CNTN4: variants seen among roughly 807,000 people sequenced by gnomAD.
CNTN4 encodes contactin 4.
Under a neutral mutation model 122.5 loss-of-function variants are expected in CNTN4, and 77 were observed. The observed-to-expected ratio is 0.63, with a 90% CI of 0.52 to 0.76. The LOEUF is 0.76. Among genes scored for constraint, CNTN4 ranks in the 30% least tolerant of loss-of-function variants. CNTN4 has a pLI of 0.00. For missense variants in CNTN4, 1,256 were observed against 1,259.1 expected (o/e 1.00, Z 0.04); for synonymous variants, 512 against 447.0 (o/e 1.15, Z -1.83).
intron 2 of CNTN4, among the ~76,000 whole-genome samples, chr3:2,191,513 T>C (rs1301853012): frequency 6.6e-6 from 1 of 152,066 alleles, no homozygotes; most frequent in Non-Finnish European, 1.5e-5. Context: ...CTCCCTTCTG[T>C]ACTCATGTGG....
chr3:2,517,990 C>G (rs2077086788), intron 3 of CNTN4, among the ~76,000 whole-genome samples: 1 of 152,144 alleles, frequency 6.6e-6, no homozygotes, highest in Admixed American at 6.6e-5. Context: ...TAGACTGACA[C>G]AATCCTTCCC....
chr3:2,260,515 G>A (rs1433060973), intron 2 of CNTN4, among the ~76,000 whole-genome samples: 1 of 152,084 alleles, frequency 6.6e-6, no homozygotes, highest in African/African-American at 2.4e-5. Flanking sequence ...GATGAGGTAA[G>A]CAGCAGAAGG....
At chr3:2,508,487 T>A (rs1021600395) in intron 3 of CNTN4, among the ~76,000 whole-genome samples, 1 of 152,206 alleles carries the variant, frequency 6.6e-6, no homozygotes, top group Admixed American at 6.5e-5. Context: ...TTCCCATAAC[T>A]TTCATTCTGC....
chr3:2,928,526 C>A (rs898522645), intron 13 of CNTN4, among the ~76,000 whole-genome samples: 1 of 152,176 alleles, frequency 6.6e-6, no homozygotes, highest in Admixed American at 6.5e-5. Context: ...TTTGACTACA[C>A]AGCTTTGAGT....
chr3:2,694,500 T>C (rs1229933982), intron 4 of CNTN4, among the ~76,000 whole-genome samples: 2 of 152,260 alleles, frequency 1.3e-5, no homozygotes, highest in Admixed American at 6.5e-5. Context: ...TTCAGGACTT[T>C]AGGTGGATCA....
chr3:2,879,334 C>T (rs2093880967), intron 8 of CNTN4, among the ~76,000 whole-genome samples: 1 of 152,054 alleles, frequency 6.6e-6, no homozygotes, highest in Admixed American at 6.6e-5. Context: ...GGTGCATGGC[C>T]CTGTCAACAC....
intron 2 of CNTN4, among the ~76,000 whole-genome samples, chr3:2,299,412 C>T (rs2042424207): frequency 6.6e-6 from 1 of 151,780 alleles, no homozygotes; most frequent in Admixed American, 6.6e-5. Flanking sequence ...TGTAGTGGAC[C>T]CGTCACCCGA....
At position 2,586,717 on chromosome 3, in the gene CNTN4, A is replaced by G. The variant is rs74451409; in HGVS notation, c.55+15159A>G. The stretch of plus-strand genomic sequence containing the variant: ...TCAGTTACTGATTTGCTACATGACT[A>G]TGGAGACAACCAGATTAAACTGTGT... On this transcript the variant is annotated intron_variant, in intron 4 of 24. Transcript: ENST00000418658. 8.7e-4 allele frequency among the ~76,000 whole-genome samples: 132 copies of G among 152,348 alleles called. 2 individuals are homozygous for G. In the East Asian group the frequency reaches 0.01, roughly 12 times the overall value.
chr3:2,467,883 A>T (rs2075558412), intron 3 of CNTN4, among the ~76,000 whole-genome samples: 1 of 152,176 alleles, frequency 6.6e-6, no homozygotes. Context: ...TGCAGCATTC[A>T]CACATCACCT....
In CNTN4 at chr3:2,435,653, G is replaced by T. The variant is rs1685938296; in HGVS notation, c.-89+96420G>T. On this transcript the variant is annotated intron_variant, in intron 3 of 24. Transcript: ENST00000418658. The stretch of plus-strand genomic sequence containing the variant: ...CTTAGTTCTCCCAAAAAATGCTAAT[G>T]CTGTTCTGTTAGTATTTTAGGTGCA... Among the ~76,000 whole-genome samples, 2 of 152,082 alleles carry T rather than the reference G, an allele frequency of 1.3e-5. 1 individual carries two copies. Among genetic ancestry groups the T allele is most frequent in the African/African-American group, 4.8e-5 (2 of 41,424 alleles).
rs11708737 is a variant in CNTN4 at position 3,057,776 on chromosome 3, T to C, written c.*1556T>C. On this transcript the variant is annotated 3_prime_UTR_variant, in exon 25 of 25. Coordinates refer to ENST00000418658, the MANE Select transcript of CNTN4 (RefSeq NM_175607.3). ...TGTTCCTTTCTTAGTTTGATATGGTTACTTCTATGTTGAAATAAAATTTAA... is the reference window on the plus strand; with the variant it reads ...TGTTCCTTTCTTAGTTTGATATGGTCACTTCTATGTTGAAATAAAATTTAA... 0.17 allele frequency: 25,879 copies of C among 152,468 alleles called. 2,292 individuals carry two copies. The highest frequency in any genetic ancestry group is 0.31 in the Middle Eastern group (91 of 294). The allele number at this position is 152,468 out of a possible 1,614,324, so 9.4% of individuals were successfully genotyped here.
At chr3:2,699,340 G>C (rs7652776) in intron 4 of CNTN4, among the ~76,000 whole-genome samples, 79,575 of 151,834 alleles carry the variant, frequency 0.52, 21,024 homozygotes, top group Non-Finnish European at 0.55. Context: ...TTCTCCACTC[G>C]GTTCCTTCCT....
At chr3:2,788,960 A>C (rs1289327623) in intron 6 of CNTN4, among the ~76,000 whole-genome samples, 1 of 152,156 alleles carries the variant, frequency 6.6e-6, no homozygotes, top group East Asian at 1.9e-4. Flanking sequence ...AAAAGTTCTG[A>C]TTCTATCTGT....
At chr3:2,331,450 G>C (rs927880954) in intron 2 of CNTN4, among the ~76,000 whole-genome samples, 1 of 152,138 alleles carries the variant, frequency 6.6e-6, no homozygotes, top group African/African-American at 2.4e-5. Flanking sequence ...TGAGATGACA[G>C]TAACAAACCC....
intron 8 of CNTN4, among the ~76,000 whole-genome samples, chr3:2,868,165 C>T (rs567214217): frequency 6.6e-6 from 1 of 152,310 alleles, no homozygotes; most frequent in Admixed American, 6.5e-5. Context: ...ATCTACTTGA[C>T]ACTTAATATG....
intron 4 of CNTN4, among the ~76,000 whole-genome samples, chr3:2,729,300 C>G (rs935789642): frequency 1.3e-5 from 2 of 151,978 alleles, no homozygotes; most frequent in African/African-American, 4.8e-5. Context: ...CGCGGTGGCT[C>G]ACGCCTGTAA....
At chr3:2,672,255 G>T (rs1273892652) in intron 4 of CNTN4, among the ~76,000 whole-genome samples, 1 of 152,170 alleles carries the variant, frequency 6.6e-6, no homozygotes, top group Non-Finnish European at 1.5e-5. Flanking sequence ...GCTGTGGTGG[G>T]CTCCACCCAG....
intron 6 of CNTN4, among the ~76,000 whole-genome samples, chr3:2,752,675 C>T (rs1329801331): frequency 1.3e-5 from 2 of 152,130 alleles, no homozygotes; most frequent in East Asian, 3.9e-4. Context: ...TAACTGTAGT[C>T]ACCCTGTGGT....
chr3:2,379,922 T>C (rs905856018), intron 3 of CNTN4, among the ~76,000 whole-genome samples: 15 of 152,202 alleles, frequency 9.9e-5, no homozygotes, highest in African/African-American at 3.6e-4. Context: ...CTGGGCATGG[T>C]GGCACATGCA....
Sources: gnomAD v4.1 joint callset for allele counts (sites outside exome capture counted in the v4.1 genomes callset) on GRCh38, gnomAD v4.1.1 for gene constraint, MANE v1.5 for transcripts, NCBI Gene and HGNC (gene_info 2026-07-23, HGNC 2026-07-21) for gene names.